The following RSRC1 variants were observed in gnomAD, a reference collection of about 807,000 sequenced individuals.
RSRC1 encodes arginine and serine rich coiled-coil 1, also known as serine/Arginine-related protein 53.
RSRC1 carries 39 observed loss-of-function variants against 49.1 expected under a neutral mutation model. That is an observed-to-expected ratio of 0.79 (90% CI 0.61 to 1.04). The LOEUF (loss-of-function observed/expected upper bound fraction) is 1.04, where lower values mean the gene tolerates loss of function less well. RSRC1 is among the 50% of genes least tolerant of loss of function. The pLI, the probability that RSRC1 is intolerant of heterozygous loss-of-function variation, is 0.00. For missense variants in RSRC1, 388 were observed against 402.4 expected (o/e 0.96, Z 0.31); for synonymous variants, 143 against 130.8 (o/e 1.09, Z -0.63).
intron 6 of RSRC1, among the ~76,000 whole-genome samples, chr3:158,379,703 C>T (rs968816265): frequency 6.6e-6 from 1 of 151,930 alleles, no homozygotes; most frequent in African/African-American, 2.4e-5. Flanking sequence ...CACGCTTCCC[C>T]AAATAGCTAT....
chr3:158,447,227 A>G (rs2108383808), intron 6 of RSRC1, among the ~76,000 whole-genome samples: 1 of 152,112 alleles, frequency 6.6e-6, no homozygotes, highest in East Asian at 1.9e-4. Context: ...ATATTATAAC[A>G]CTGATAGCAA....
chr3:158,469,249 A>T, intron 7 of RSRC1: 1 of 348,432 alleles, frequency 2.9e-6, no homozygotes, highest in Non-Finnish European at 5.5e-6. Context: ...ATTATGTTTT[A>T]TAGTTAACTA....
chr3:158,352,053 T>C (rs1405696099), intron 5 of RSRC1, among the ~76,000 whole-genome samples: 3 of 151,658 alleles, frequency 2.0e-5, no homozygotes, highest in Non-Finnish European at 2.9e-5. Flanking sequence ...GAGGATTGCT[T>C]GAGGCCAGGA....
intron 3 of RSRC1, among the ~76,000 whole-genome samples, chr3:158,163,887 G>C (rs1228792861): frequency 6.6e-6 from 1 of 151,884 alleles, no homozygotes; most frequent in Non-Finnish European, 1.5e-5. Context: ...TAAATAGAAC[G>C]TAGAAGAATA....
intron 4 of RSRC1, among the ~76,000 whole-genome samples, chr3:158,265,350 G>T (rs1399665745): frequency 2.6e-5 from 4 of 152,040 alleles, no homozygotes; most frequent in Non-Finnish European, 4.4e-5. Context: ...TTTACTCCAG[G>T]CTGGGTACAG....
chr3:158,451,889 C>A lies in RSRC1; in HGVS notation c.584-9046C>A, dbSNP rs564906640. On this transcript the variant is annotated intron_variant, in intron 6 of 9. Coordinates refer to ENST00000611884, the MANE Select transcript of RSRC1 (RefSeq NM_001271838.2). ...GAAGAAACATTATTGAATGTTTCCCCAGTCCCAAAGGCTCATGGGATTTAA... is the reference window on the plus strand; with the variant it reads ...GAAGAAACATTATTGAATGTTTCCCAAGTCCCAAAGGCTCATGGGATTTAA... Among the ~76,000 whole-genome samples, 158 of 152,046 alleles carry A rather than the reference C, an allele frequency of 1.0e-3. 1 individual carries two copies. The highest frequency in any genetic ancestry group is 3.6e-3 in the African/African-American group (148 of 41,508).
chr3:158,368,686 C>T (rs1256499615), intron 6 of RSRC1, among the ~76,000 whole-genome samples: 1 of 152,156 alleles, frequency 6.6e-6, no homozygotes, highest in Non-Finnish European at 1.5e-5. Context: ...TGGATGCTTG[C>T]TTATATATTA....
rs777256778 is a variant in RSRC1 at position 158,122,182 on chromosome 3, G to C, written c.78G>C (p.Ser26=). 1 of 1,603,972 alleles carries C rather than the reference G, an allele frequency of 6.2e-7. No individual in the cohort carries two copies. Among genetic ancestry groups the C allele is most frequent in the East Asian group, 2.3e-5 (1 of 43,914 alleles). ...RKKKHRRRSS[S]SSSSDSRTYS... is the part of the protein sequence containing the mutation. ...AGAAACACCGTAGACGGTCCTCCTCGAGCAGTTCTTCAGATAGTAGAACAT... is the reference window on the plus strand; with the variant it reads ...AGAAACACCGTAGACGGTCCTCCTCCAGCAGTTCTTCAGATAGTAGAACAT... The change falls in exon 2 of 10, where the codon TCG becomes TCC. Residue 26 remains serine, a synonymous_variant. Transcript: ENST00000611884.
At chr3:158,505,106 G>A in intron 7 of RSRC1, among the ~76,000 whole-genome samples, 1 of 152,198 alleles carries the variant, frequency 6.6e-6, no homozygotes, top group Admixed American at 6.5e-5. Flanking sequence ...TGATGCATTT[G>A]CAGGACTATG....
intron 7 of RSRC1, among the ~76,000 whole-genome samples, chr3:158,462,863 G>A (rs1412668680): frequency 2.0e-5 from 3 of 151,792 alleles, no homozygotes; most frequent in African/African-American, 4.8e-5. Context: ...TTTTCTTTCA[G>A]TTCCTGAGAA....
chr3:158,231,327 G>T (rs1237440025), intron 4 of RSRC1, among the ~76,000 whole-genome samples: 1 of 151,376 alleles, frequency 6.6e-6, no homozygotes, highest in Non-Finnish European at 1.5e-5. Flanking sequence ...ATAGAGATGG[G>T]GTTTCACCAT....
intron 7 of RSRC1, among the ~76,000 whole-genome samples, chr3:158,514,835 C>G (rs1298269866): frequency 6.6e-6 from 1 of 152,186 alleles, no homozygotes; most frequent in African/African-American, 2.4e-5. Flanking sequence ...AGATAGTTAT[C>G]TCTTCTTGTT....
intron 4 of RSRC1, among the ~76,000 whole-genome samples, chr3:158,270,287 G>A (rs1402542002): frequency 6.6e-6 from 1 of 152,176 alleles, no homozygotes; most frequent in Non-Finnish European, 1.5e-5. Context: ...AGGGCAGCTT[G>A]AAGTTGAAAG....
intron 4 of RSRC1, among the ~76,000 whole-genome samples, chr3:158,266,107 A>G (rs1052958653): frequency 2.0e-5 from 3 of 152,136 alleles, no homozygotes; most frequent in Admixed American, 6.5e-5. Flanking sequence ...TTATTATGCT[A>G]TGAAGCAGTT....
intron 6 of RSRC1, among the ~76,000 whole-genome samples, chr3:158,388,612 GTTT>G (rs11354237): frequency 6.9e-6 from 1 of 143,952 alleles, no homozygotes. Context: ...CGTGTTTTTT[GTTT>G]TTTTTTTTTT....
intron 3 of RSRC1, among the ~76,000 whole-genome samples, chr3:158,178,045 T>C (rs1286117403): frequency 6.6e-6 from 1 of 152,210 alleles, no homozygotes; most frequent in Non-Finnish European, 1.5e-5. Context: ...ACCTTCTTTT[T>C]GTTATCTGTA....
chr3:158,285,421 T>C (rs560713345), intron 4 of RSRC1, among the ~76,000 whole-genome samples: 39 of 152,350 alleles, frequency 2.6e-4, no homozygotes, highest in African/African-American at 9.1e-4. Flanking sequence ...TTTTTGCCAA[T>C]TCTGTGAAGA....
At chr3:158,173,598 C>T (rs1363982838) in intron 3 of RSRC1, among the ~76,000 whole-genome samples, 2 of 151,974 alleles carry the variant, frequency 1.3e-5, no homozygotes, top group Non-Finnish European at 2.9e-5. Context: ...AGCAATTCCA[C>T]TCTTAGCCAT....
intron 7 of RSRC1, among the ~76,000 whole-genome samples, chr3:158,488,089 A>AT (rs1206743165): frequency 6.6e-6 from 1 of 152,066 alleles, no homozygotes; most frequent in Non-Finnish European, 1.5e-5. Context: ...TATTGTGCAC[A>AT]AAAACGTGGA....
Sources: gnomAD v4.1 joint callset for allele counts (sites outside exome capture counted in the v4.1 genomes callset) on GRCh38, gnomAD v4.1.1 for gene constraint, MANE v1.5 for transcripts, NCBI Gene and HGNC (gene_info 2026-07-23, HGNC 2026-07-21) for gene names.